The following CCSER2 variants were observed in gnomAD, a reference collection of about 807,000 sequenced individuals.
CCSER2 encodes the protein serine-rich coiled-coil domain-containing protein 2.
Under a neutral mutation model 92.3 loss-of-function variants are expected in CCSER2, and 46 were observed. The ratio of observed to expected loss-of-function variants is 0.50; its 90% CI spans 0.39 to 0.64. The LOEUF is 0.64. Among genes scored for constraint, CCSER2 ranks in the 30% least tolerant of loss-of-function variants. CCSER2 has a pLI of 0.00. For synonymous variants in CCSER2, 433 were observed against 431.4 expected (o/e 1.00, Z -0.04); for missense variants, 1,244 against 1,238.9 (o/e 1.00, Z -0.06).
intron 8 of CCSER2, among the ~76,000 whole-genome samples, chr10:84,475,210 A>G (rs1847067211): frequency 6.8e-6 from 1 of 147,458 alleles, no homozygotes. Context: ...GATTAATCAC[A>G]TTGGTTCAGA....
At chr10:84,350,172 A>G (rs1190327389) in intron 1 of CCSER2, among the ~76,000 whole-genome samples, 3 of 152,154 alleles carry the variant, frequency 2.0e-5, no homozygotes, top group African/African-American at 7.2e-5. Flanking sequence ...AATAATAACA[A>G]AAAGTACATC....
chr10:84,503,125 G>T (rs1365965168), intron 9 of CCSER2, among the ~76,000 whole-genome samples: 1 of 152,110 alleles, frequency 6.6e-6, no homozygotes, highest in Non-Finnish European at 1.5e-5. Flanking sequence ...CTACTCTGGA[G>T]GCTGAGGCAG....
chr10:84,494,956 C>G (rs1258151604), intron 9 of CCSER2, among the ~76,000 whole-genome samples: 1 of 150,152 alleles, frequency 6.7e-6, no homozygotes, highest in Non-Finnish European at 1.5e-5. Flanking sequence ...AATGGTTACA[C>G]CACAAAACTG....
At chr10:84,381,934 AAAAG>A (rs1345685595) in intron 3 of CCSER2, among the ~76,000 whole-genome samples, 42 of 149,280 alleles carry the variant, frequency 2.8e-4, no homozygotes, top group African/African-American at 8.4e-4. Context: ...AAAAAAAAAA[AAAAG>A]AACATCCGTC....
intron 3 of CCSER2, among the ~76,000 whole-genome samples, chr10:84,385,602 T>A (rs1841157294): frequency 6.6e-6 from 1 of 151,776 alleles, no homozygotes; most frequent in South Asian, 2.1e-4. Context: ...ACACAGAAAT[T>A]AAGATGGATT....
intron 1 of CCSER2, among the ~76,000 whole-genome samples, chr10:84,344,724 T>C (rs1362968436): frequency 6.6e-6 from 1 of 152,140 alleles, no homozygotes; most frequent in Non-Finnish European, 1.5e-5. Flanking sequence ...TGAAAGAGCA[T>C]CTTATGATTA....
intron 6 of CCSER2, among the ~76,000 whole-genome samples, chr10:84,456,907 A>C (rs1845657791): frequency 6.6e-6 from 1 of 151,754 alleles, no homozygotes; most frequent in Non-Finnish European, 1.5e-5. Flanking sequence ...TTTTTTGCCT[A>C]TTAACACAAA....
intron 6 of CCSER2, among the ~76,000 whole-genome samples, chr10:84,444,893 A>G (rs1844813439): frequency 6.6e-6 from 1 of 152,192 alleles, no homozygotes. Flanking sequence ...TCACAACATC[A>G]TTATGGGATA....
intron 9 of CCSER2, among the ~76,000 whole-genome samples, chr10:84,496,974 C>T (rs1206418520): frequency 6.6e-6 from 1 of 152,126 alleles, no homozygotes; most frequent in Non-Finnish European, 1.5e-5. Flanking sequence ...CTGGAATTCC[C>T]TGTTCTATTA....
intron 1 of CCSER2, among the ~76,000 whole-genome samples, chr10:84,340,699 C>T (rs1564578569): frequency 1.3e-5 from 2 of 151,840 alleles, no homozygotes; most frequent in East Asian, 1.9e-4. Flanking sequence ...CCCTGACACT[C>T]ATCCCCTAAA....
intron 1 of CCSER2, among the ~76,000 whole-genome samples, chr10:84,369,144 GTT>G (rs143337539): frequency 3.1e-4 from 45 of 143,498 alleles, no homozygotes; most frequent in Admixed American, 1.3e-3. Flanking sequence ...ACATATGCAG[GTT>G]TTTTTTTTTT....
At position 84,503,092 on chromosome 10, in the gene CCSER2, C is replaced by T. The variant is rs377276451; in HGVS notation, c.2326-10357C>T. 3.9e-4 allele frequency among the ~76,000 whole-genome samples: 59 copies of T among 152,000 alleles called. No homozygotes were observed. The South Asian group carries it at 8.5e-3, about 22-fold the overall frequency. On this transcript the variant is annotated intron_variant, in intron 9 of 9. Coordinates refer to ENST00000372088, the MANE Select transcript of CCSER2 (RefSeq NM_001284240.2). ...ACGAAAAATTAGCGGGGCGTGGTGG[C>T]GGGTGCCTGTAGTCCCAGTTAGCTA...
Position 84,425,200 on chromosome 10 carries a change from G to T in CCSER2, c.1706-531G>T, listed in dbSNP as rs952793103. 5 of 978,844 alleles carry T rather than the reference G, an allele frequency of 5.1e-6. No homozygotes were observed. In the Admixed American group the frequency reaches 3.1e-4, roughly 60 times the overall value. The allele number at this position is 978,844 out of a possible 1,614,324, so 60.6% of individuals were successfully genotyped here. ...TTTGAACAAGCTCTTACTGCAGGCA[G>T]ATTGAAGCGTCTTACTTTCCGAAAA... On this transcript the variant is annotated intron_variant, in intron 4 of 9. Coordinates refer to ENST00000372088, the MANE Select transcript of CCSER2 (RefSeq NM_001284240.2).
At chr10:84,334,337 G>A (rs996228381) in intron 1 of CCSER2, among the ~76,000 whole-genome samples, 2 of 152,094 alleles carry the variant, frequency 1.3e-5, no homozygotes, top group African/African-American at 2.4e-5. Flanking sequence ...ATGCTGGGGT[G>A]TGATTCAGCC....
intron 3 of CCSER2, among the ~76,000 whole-genome samples, chr10:84,383,818 T>TA (rs1328264328): frequency 2.0e-5 from 3 of 152,150 alleles, no homozygotes; most frequent in African/African-American, 4.8e-5. Context: ...AAATTGAAAT[T>TA]AAAAAATCAT....
intron 1 of CCSER2, among the ~76,000 whole-genome samples, chr10:84,369,428 AT>A (rs1207801836): frequency 6.7e-6 from 1 of 149,504 alleles, no homozygotes; most frequent in African/African-American, 2.5e-5. Flanking sequence ...GATGTTGAGC[AT>A]TTTTTTTTCA....
chr10:84,461,416 A>G (rs1190823468), intron 6 of CCSER2, among the ~76,000 whole-genome samples: 1 of 152,100 alleles, frequency 6.6e-6, no homozygotes, highest in African/African-American at 2.4e-5. Flanking sequence ...CTGTGACTTC[A>G]ATGACAGGAG....
chr10:84,461,838 T>C (rs1300796537), intron 6 of CCSER2, among the ~76,000 whole-genome samples: 1 of 152,194 alleles, frequency 6.6e-6, no homozygotes, highest in South Asian at 2.1e-4. Context: ...CTCCTCTGTT[T>C]AGATGTTGAG....
chr10:84,507,035 A>G (rs1159751178), intron 9 of CCSER2, among the ~76,000 whole-genome samples: 2 of 152,204 alleles, frequency 1.3e-5, no homozygotes, highest in Non-Finnish European at 2.9e-5. Flanking sequence ...GAAGTTTTAC[A>G]CATGCCTTTC....
Sources: allele counts gnomAD v4.1 joint callset (sites outside exome capture counted in the v4.1 genomes callset), GRCh38; gene constraint gnomAD v4.1.1; transcripts MANE v1.5; gene names NCBI Gene and HGNC (gene_info 2026-07-23, HGNC 2026-07-21).